ETV6: variants seen among roughly 807,000 people sequenced by gnomAD.
ETV6 encodes the protein ETS variant transcription factor 6, also known as transcription factor ETV6.
A neutral mutation model predicts 51.1 loss-of-function variants in ETV6; 16 were observed. The ratio of observed to expected loss-of-function variants is 0.31; its 90% CI spans 0.21 to 0.48. ETV6 has a LOEUF of 0.48. Ranked by LOEUF, ETV6 falls within the 20% of genes least tolerant of loss-of-function variation. The pLI, the probability that ETV6 is intolerant of heterozygous loss-of-function variation, is 0.99. For synonymous variants in ETV6, 240 were observed against 224.1 expected, an observed-to-expected ratio of 1.07 and a Z score of -0.64; for missense variants, 458 against 594.8, an observed-to-expected ratio of 0.77 and a Z score of 2.39.
chr12:11,733,407 CA>C (rs11394100), intron 1 of ETV6, among the ~76,000 whole-genome samples: 1,610 of 100,882 alleles, frequency 0.016, 13 homozygotes, highest in African/African-American at 0.072. Flanking sequence ...GACTCCATCT[CA>C]AAAAAAAAAA....
At chr12:11,736,044 C>T (rs1315197842) in intron 1 of ETV6, among the ~76,000 whole-genome samples, 1 of 152,206 alleles carries the variant, frequency 6.6e-6, no homozygotes, top group Non-Finnish European at 1.5e-5. Flanking sequence ...TAGTAGTTGA[C>T]AATAAATGAT....
At chr12:11,700,597 TTGTTA>T (rs1864960915) in intron 1 of ETV6, among the ~76,000 whole-genome samples, 1 of 152,300 alleles carries the variant, frequency 6.6e-6, no homozygotes, top group South Asian at 2.1e-4. Context: ...CATATTTTGT[TTGTTA>T]TATGTATTAT....
intron 1 of ETV6, among the ~76,000 whole-genome samples, chr12:11,682,155 A>G (rs1254060079): frequency 3.9e-5 from 6 of 152,198 alleles, no homozygotes; most frequent in African/African-American, 1.2e-4. Flanking sequence ...ACTGTCCACA[A>G]TGGTTGAACT....
At chr12:11,859,685 T>C (rs1317222084) in intron 4 of ETV6, among the ~76,000 whole-genome samples, 1 of 152,198 alleles carries the variant, frequency 6.6e-6, no homozygotes, top group African/African-American at 2.4e-5. Flanking sequence ...TGCCAGTGCC[T>C]GCATTCATTC....
intron 1 of ETV6, among the ~76,000 whole-genome samples, chr12:11,681,517 A>G (rs1267744782): frequency 6.6e-6 from 1 of 152,152 alleles, no homozygotes; most frequent in African/African-American, 2.4e-5. Flanking sequence ...ACCACAATTT[A>G]GTGAATAAAT....
At chr12:11,886,213 C>T (rs923245976) in intron 7 of ETV6, among the ~76,000 whole-genome samples, 187 bp downstream of exon 7, 2 of 152,202 alleles carry the variant, frequency 1.3e-5, no homozygotes, top group African/African-American at 4.8e-5. Flanking sequence ...TAACTTATGT[C>T]TGTCCTGTAA....
chr12:11,690,328 A>G (rs1268847545), intron 1 of ETV6, among the ~76,000 whole-genome samples: 3 of 151,974 alleles, frequency 2.0e-5, no homozygotes, highest in Non-Finnish European at 4.4e-5. Flanking sequence ...GCACTGTGTT[A>G]TGATATTCTT....
intron 1 of ETV6, among the ~76,000 whole-genome samples, chr12:11,686,851 T>C (rs1446957007): frequency 6.6e-6 from 1 of 152,170 alleles, no homozygotes; most frequent in African/African-American, 2.4e-5. Context: ...TTGTAGTTTT[T>C]TCTTAAAATT....
At chr12:11,697,479 T>C (rs1021400236) in intron 1 of ETV6, among the ~76,000 whole-genome samples, 3 of 152,212 alleles carry the variant, frequency 2.0e-5, no homozygotes. Context: ...AGTCACTCAT[T>C]TGACTTCTGT....
intron 1 of ETV6, among the ~76,000 whole-genome samples, chr12:11,677,136 T>C (rs73288706): frequency 0.021 from 3,212 of 152,332 alleles, 63 homozygotes; most frequent in East Asian, 0.13. Flanking sequence ...GTCTATTCTC[T>C]CTACAAGGAC....
At chr12:11,712,535 G>A (rs1171583145) in intron 1 of ETV6, among the ~76,000 whole-genome samples, 2 of 152,218 alleles carry the variant, frequency 1.3e-5, no homozygotes, top group African/African-American at 2.4e-5. Context: ...ACCAATAGGA[G>A]ATCCACATCG....
chr12:11,668,937 G>C (rs2120683376), intron 1 of ETV6, among the ~76,000 whole-genome samples: 1 of 152,270 alleles, frequency 6.6e-6, no homozygotes, highest in East Asian at 1.9e-4. Context: ...CCTGTACTTG[G>C]CTGTCCTCTG....
rs577807382 is a variant in ETV6 at position 11,735,060 on chromosome 12, C to T, written c.34-17390C>T. On this transcript the variant is annotated intron_variant, in intron 1 of 7. Coordinates refer to ENST00000396373, the MANE Select transcript of ETV6 (RefSeq NM_001987.5). The stretch of plus-strand genomic sequence containing the variant: ...TCTTCGTAATTTATGGCATGTGTCC[C>T]AAAGGTGCAAAGGTGGCAAGGTGGC... Among the ~76,000 whole-genome samples the T allele has an allele frequency of 7.4e-3, 1,062 of 144,128 alleles. 14 individuals carry two copies. Among genetic ancestry groups the T allele is most frequent in the African/African-American group, 0.026 (1,005 of 39,166 alleles). 94.6% of individuals were successfully genotyped at this position (144,128 alleles called of 152,430 possible).
At chr12:11,771,179 A>G (rs1163141189) in intron 2 of ETV6, among the ~76,000 whole-genome samples, 1 of 152,230 alleles carries the variant, frequency 6.6e-6, no homozygotes, top group Non-Finnish European at 1.5e-5. Flanking sequence ...TGTCAAAAAT[A>G]GTGCATTGCA....
Position 11,893,734 on chromosome 12 carries a change from A to G in ETV6, c.*2688A>G, listed in dbSNP as rs2136624481. The G allele has an allele frequency of 5.0e-6, 1 of 198,810 alleles. No homozygotes were observed. Among genetic ancestry groups the G allele is most frequent in the South Asian group, 2.0e-4 (1 of 5,060 alleles). The allele number at this position is 198,810 out of a possible 1,614,324, so 12.3% of individuals were successfully genotyped here. On this transcript the variant is annotated 3_prime_UTR_variant, in exon 8 of 8. Coordinates refer to ENST00000396373, the MANE Select transcript of ETV6 (RefSeq NM_001987.5). ...CCTTCAGGCTATGTGTATAAAGTAT[A>G]TATGAGCCATAAATGAATTTTGTGT...
In ETV6 at chr12:11,859,997, G is replaced by A. The variant is rs114932093; in HGVS notation, c.463+6436G>A. 7.0e-3 allele frequency among the ~76,000 whole-genome samples: 1,067 copies of A among 152,236 alleles called. 19 individuals carry two copies. Among genetic ancestry groups the A allele is most frequent in the African/African-American group, 0.024 (1,013 of 41,512 alleles). On this transcript the variant is annotated intron_variant, in intron 4 of 7. Transcript: ENST00000396373. Reference sequence around the variant, plus strand: ...CCCTTCTAGATCATTAACTCCCTTGGGATGGGCCGTCTTAGCATCACGAAA... The same window carrying A: ...CCCTTCTAGATCATTAACTCCCTTGAGATGGGCCGTCTTAGCATCACGAAA...
At position 11,715,602 on chromosome 12, in the gene ETV6, C is replaced by G. The variant is rs967931487; in HGVS notation, c.34-36848C>G. Among the ~76,000 whole-genome samples the G allele has an allele frequency of 3.9e-5, 6 of 152,346 alleles. 1 individual carries two copies. The highest frequency in any genetic ancestry group is 3.4e-3 in the Middle Eastern group (1 of 294). On this transcript the variant is annotated intron_variant, in intron 1 of 7. Transcript: ENST00000396373. ...TACGCTGTGCCATCTACTCCTCTGC[C>G]CTGCTGCTTTCCTAATCAGTACTCC...
intron 2 of ETV6, among the ~76,000 whole-genome samples, chr12:11,762,251 C>T (rs543286090): frequency 6.6e-6 from 1 of 152,340 alleles, no homozygotes; most frequent in Non-Finnish European, 1.5e-5. Context: ...CTCATAGCCC[C>T]CTTTCTGGCC....
chr12:11,752,819 G>A, intron 2 of ETV6: 1 of 384,798 alleles, frequency 2.6e-6, no homozygotes, highest in Non-Finnish European at 4.6e-6. Flanking sequence ...AAAAAAAAAA[G>A]AAACCTGGAA....
Sources: gnomAD v4.1 joint callset for allele counts (sites outside exome capture counted in the v4.1 genomes callset) on GRCh38, gnomAD v4.1.1 for gene constraint, MANE v1.5 for transcripts, NCBI Gene and HGNC (gene_info 2026-07-23, HGNC 2026-07-21) for gene names.